Variants in DMRT1 observed in about 807,000 individuals in gnomAD.
DMRT1 encodes the protein doublesex and mab-3 related transcription factor 1, also known as doublesex- and mab-3-related transcription factor 1.
DMRT1 carries 7 observed loss-of-function variants against 32.3 expected under a neutral mutation model. The ratio of observed to expected loss-of-function variants is 0.22; its 90% CI spans 0.12 to 0.41. DMRT1 has a LOEUF of 0.41. DMRT1 is among the 10% of genes least tolerant of loss of function. The pLI is 1.00. For missense variants in DMRT1, 625 were observed against 500.5 expected (o/e 1.25, Z -2.37); for synonymous variants, 278 against 206.1 (o/e 1.35, Z -2.99).
intron 2 of DMRT1, among the ~76,000 whole-genome samples, chr9:891,449 T>C (rs1817146368): frequency 7.0e-6 from 1 of 143,434 alleles, no homozygotes; most frequent in African/African-American, 2.6e-5. Flanking sequence ...AGACCCTGTC[T>C]CAAATAAGTA....
Position 841,752 on chromosome 9 carries a change from A to G in DMRT1, c.-87A>G, listed in dbSNP as rs1589435718. 3 of 1,548,546 alleles carry G rather than the reference A, an allele frequency of 1.9e-6. No individual in the cohort carries two copies. Among genetic ancestry groups the G allele is most frequent in the Non-Finnish European group, 2.6e-6 (3 of 1,147,384 alleles). ...ACGTCTCCTGCGCCTCCTCCTCCGG[A>G]GCGTCGCTGTCCGTCGGGTTCATCC... On this transcript the variant is annotated 5_prime_UTR_variant, in exon 1 of 5. Transcript: ENST00000382276.
chr9:882,091 C>T (rs966984179), intron 2 of DMRT1, among the ~76,000 whole-genome samples: 1 of 152,162 alleles, frequency 6.6e-6, no homozygotes, highest in African/African-American at 2.4e-5. Flanking sequence ...AATTCTGAGG[C>T]ACAGGCAGAG....
intron 4 of DMRT1, among the ~76,000 whole-genome samples, chr9:942,186 T>C (rs1017478164): frequency 2.6e-5 from 4 of 152,220 alleles, no homozygotes; most frequent in African/African-American, 9.6e-5. Context: ...TGATTAACTT[T>C]TCTGTTTCTT....
At chr9:950,379 T>G (rs1320787187) in intron 4 of DMRT1, among the ~76,000 whole-genome samples, 11 of 152,140 alleles carry the variant, frequency 7.2e-5, no homozygotes, top group Non-Finnish European at 1.6e-4. Context: ...CTTGTTGTGA[T>G]GCACTGTGGT....
intron 2 of DMRT1, among the ~76,000 whole-genome samples, chr9:885,252 C>G (rs1326620202): frequency 2.6e-5 from 4 of 152,124 alleles, no homozygotes; most frequent in African/African-American, 9.7e-5. Flanking sequence ...AGGTGGCTTG[C>G]GTTAGTCGGC....
intron 4 of DMRT1, among the ~76,000 whole-genome samples, chr9:949,065 C>G (rs1012986254): frequency 2.0e-5 from 3 of 151,840 alleles, no homozygotes; most frequent in African/African-American, 7.3e-5. Flanking sequence ...TGTACTCCAG[C>G]CTGAGCAACA....
At chr9:945,330 A>G (rs1310134769) in intron 4 of DMRT1, among the ~76,000 whole-genome samples, 1 of 151,956 alleles carries the variant, frequency 6.6e-6, no homozygotes, top group African/African-American at 2.4e-5. Context: ...ATTTTTTTGT[A>G]TTTTTAGTAG....
In DMRT1 at chr9:893,915, G is replaced by A. The variant is rs1244133396; in HGVS notation, c.542G>A (p.Gly181Glu). 5.0e-6 allele frequency: 8 copies of A among 1,613,722 alleles called. No individual in the cohort carries two copies. Among genetic ancestry groups the A allele is most frequent in the African/African-American group, 4.0e-5 (3 of 74,926 alleles). ...TTTCTTTTTTCTTCCAATTTAGAGG[G>A]ACGTATGGTCATCCAGGATATTCCT... ...ASVPTTAASEGRMVIQDIPAV... is the reference protein window; with the variant it reads ...ASVPTTAASEERMVIQDIPAV... Residue 181 changes from glycine (G) to glutamate (E), a missense_variant, in exon 3 of 5, where the codon GGA becomes GAA. This residue lies in a region of DMRT1 where 416 missense variants were observed against 321.6 expected (regional missense o/e 1.29). Transcript: ENST00000382276.
chr9:850,162 A>C (rs1839083818), intron 2 of DMRT1, among the ~76,000 whole-genome samples: 1 of 152,194 alleles, frequency 6.6e-6, no homozygotes, highest in Non-Finnish European at 1.5e-5. Flanking sequence ...GTGGGGCAGG[A>C]GCCACAGGTT....
At chr9:861,237 T>A (rs1373935161) in intron 2 of DMRT1, among the ~76,000 whole-genome samples, 1 of 152,028 alleles carries the variant, frequency 6.6e-6, no homozygotes, top group Non-Finnish European at 1.5e-5. Context: ...TTTGTGTCCC[T>A]GGGTAGTTGA....
intron 2 of DMRT1, among the ~76,000 whole-genome samples, chr9:887,172 C>G (rs188876007): frequency 1.3e-5 from 2 of 152,288 alleles, no homozygotes; most frequent in East Asian, 3.9e-4. Context: ...GCACTCCAGC[C>G]TGGGAAACAA....
intron 2 of DMRT1, among the ~76,000 whole-genome samples, chr9:863,427 A>G (rs1445133663): frequency 6.6e-6 from 1 of 151,824 alleles, no homozygotes; most frequent in Non-Finnish European, 1.5e-5. Flanking sequence ...CTTGACAGAG[A>G]CTTGACCTGC....
intron 3 of DMRT1, among the ~76,000 whole-genome samples, chr9:898,339 C>T (rs1321233139): frequency 6.6e-6 from 1 of 152,166 alleles, no homozygotes. Context: ...AGGCTGTTCT[C>T]AAACTCCTGG....
chr9:960,767 G>T (rs953578911), intron 4 of DMRT1, among the ~76,000 whole-genome samples: 5 of 152,222 alleles, frequency 3.3e-5, no homozygotes, highest in African/African-American at 1.2e-4. Flanking sequence ...CTAGCGTGCA[G>T]TGTGGTGGGA....
intron 2 of DMRT1, among the ~76,000 whole-genome samples, chr9:862,213 C>G (rs10977182): frequency 6.6e-6 from 1 of 150,920 alleles, no homozygotes; most frequent in Non-Finnish European, 1.5e-5. Context: ...CTGGGCAACA[C>G]TGAGCACTGA....
chr9:897,555 G>A (rs551775238), intron 3 of DMRT1, among the ~76,000 whole-genome samples: 36 of 151,638 alleles, frequency 2.4e-4, no homozygotes, highest in Non-Finnish European at 4.9e-4. Flanking sequence ...TTACACTACT[G>A]GACTCCAGCC....
chr9:900,386 T>G (rs1817527175), intron 3 of DMRT1, among the ~76,000 whole-genome samples: 1 of 152,152 alleles, frequency 6.6e-6, no homozygotes, highest in South Asian at 2.1e-4. Context: ...CCTTTTTTTG[T>G]TGTTTTTTAA....
intron 3 of DMRT1, among the ~76,000 whole-genome samples, chr9:907,388 C>T (rs1340866614): frequency 3.3e-5 from 5 of 152,150 alleles, no homozygotes; most frequent in Non-Finnish European, 5.9e-5. Flanking sequence ...AACCCAGGAA[C>T]TGGAAAATCC....
Position 894,027 on chromosome 9 carries a change from G to T in DMRT1, c.654G>T (p.Leu218=). 6.2e-7 allele frequency: 1 copy of T among 1,614,240 alleles called. No homozygotes were observed. The highest frequency in any genetic ancestry group is 8.5e-7 in the Non-Finnish European group (1 of 1,180,042). The part of the protein sequence containing the change: ...TYYSSFYQPS[L]FPYYNNLYNC... ...ACAGCAGCTTCTACCAGCCGTCTCT[G>T]TTTCCTTATTACAACAATCTATACA... Residue 218 remains leucine, a synonymous_variant, in exon 3 of 5, where the codon CTG becomes CTT. Transcript: ENST00000382276.
Sources: allele counts gnomAD v4.1 joint callset (sites outside exome capture counted in the v4.1 genomes callset), GRCh38; gene constraint gnomAD v4.1.1; regional missense constraint gnomAD v4.1.1; transcripts MANE v1.5; gene names NCBI Gene and HGNC (gene_info 2026-07-23, HGNC 2026-07-21).